BCAN: variants seen among roughly 807,000 people sequenced by gnomAD.
The protein encoded by BCAN is brevican core protein.
BCAN carries 51 observed loss-of-function variants against 92.4 expected under a neutral mutation model. That is an observed-to-expected ratio of 0.55 (90% CI 0.44 to 0.70). The LOEUF (loss-of-function observed/expected upper bound fraction) is 0.70, where lower values mean the gene tolerates loss of function less well. Ranked by LOEUF, BCAN falls within the 30% of genes least tolerant of loss-of-function variation. The pLI, the probability that BCAN is intolerant of heterozygous loss-of-function variation, is 0.00. For synonymous variants in BCAN, 501 were observed against 505.2 expected, an observed-to-expected ratio of 0.99 and a Z score of 0.11; for missense variants, 1,140 against 1,212.1, an observed-to-expected ratio of 0.94 and a Z score of 0.88.
Position 156,647,098 on chromosome 1 carries a change from A to G in BCAN, c.389A>G (p.Asn130Ser). ...CTGGCGCTGAGCGAGCTGCGCCCCA[A>G]CGACTCAGGTATCTATCGCTGTGAG... The part of the protein sequence containing the change: ...VSLALSELRP[N>S]DSGIYRCEVQ... Residue 130 changes from asparagine (N) to serine (S), a missense_variant, in exon 3 of 14, where the codon AAC becomes AGC. Physicochemically the swap from Asn to Ser is conservative, Grantham distance 46 (BLOSUM62 1). This residue lies in a region of BCAN where 286 missense variants were observed against 284.1 expected (regional missense o/e 1.01). Coordinates refer to ENST00000329117, the MANE Select transcript of BCAN (RefSeq NM_021948.5). This position sits in a 1 kb window ranked among gnomAD's most constrained non-coding sequence, Gnocchi z 4.8. The G allele has an allele frequency of 6.2e-7, 1 of 1,606,834 alleles. No individual in the cohort carries two copies. Among genetic ancestry groups the G allele is most frequent in the Non-Finnish European group, 8.5e-7 (1 of 1,174,888 alleles).
In BCAN at chr1:156,657,111, A is replaced by AGGGCGGGAG. The variant is rs1553239560; in HGVS notation, c.2209+20_2209+28dup. ...CTTCATCAACAGTGGGCTGGGAGAC[A>AGGGCGGGAG]GGGCGGGAGGGGCCCCTGCCATATG... On this transcript the variant is annotated intron_variant, in intron 10 of 13. Coordinates refer to ENST00000329117, the MANE Select transcript of BCAN (RefSeq NM_021948.5). 1 of 1,601,760 alleles carries AGGGCGGGAG rather than the reference A, an allele frequency of 6.2e-7. No individual in the cohort carries two copies. Among genetic ancestry groups the AGGGCGGGAG allele is most frequent in the Admixed American group, 1.7e-5 (1 of 59,762 alleles).
At chr1:156,652,092 T>C (rs1225339760) in intron 7 of BCAN, among the ~76,000 whole-genome samples, 156 bp from the exon 8 acceptor site, 1 of 152,176 alleles carries the variant, frequency 6.6e-6, no homozygotes, top group Non-Finnish European at 1.5e-5. Context: ...GTCAAGTTCT[T>C]CCAGTGTGGC....
At chr1:156,645,658 G>A (rs1678937761) in intron 1 of BCAN, among the ~76,000 whole-genome samples, 1 of 152,178 alleles carries the variant, frequency 6.6e-6, no homozygotes, top group African/African-American at 2.4e-5. Flanking sequence ...CACCATTCAT[G>A]CTGTAAACTG....
At position 156,647,789 on chromosome 1, in the gene BCAN, T is replaced by C; in HGVS notation, c.641+107T>C. 6.5e-7 allele frequency: 1 copy of C among 1,545,010 alleles called. No homozygotes were observed. ...GTCAGGCTGGACATGCAGGGCTTTT[T>C]GCCTCTGGGGGATGAGGCTGGTCTG... On this transcript the variant is annotated intron_variant, in intron 4 of 13. Coordinates refer to ENST00000329117, the MANE Select transcript of BCAN (RefSeq NM_021948.5). This position sits in a 1 kb window ranked among gnomAD's most constrained non-coding sequence, Gnocchi z 4.8.
intron 8 of BCAN, among the ~76,000 whole-genome samples, chr1:156,654,341 C>T (rs752605279): frequency 1.4e-4 from 21 of 152,116 alleles, no homozygotes; most frequent in Non-Finnish European, 2.5e-4. Context: ...CTGTTAGGTC[C>T]CTGCACAACT....
chr1:156,651,255 G>A (rs966340623), intron 6 of BCAN, among the ~76,000 whole-genome samples: 2 of 152,214 alleles, frequency 1.3e-5, no homozygotes, highest in Middle Eastern at 3.2e-3. Context: ...GTGCCCAGGG[G>A]AATGCTTGGC....
chr1:156,646,298 T>A (rs1379029791), intron 2 of BCAN, among the ~76,000 whole-genome samples, 153 bp downstream of exon 2: 1 of 152,114 alleles, frequency 6.6e-6, no homozygotes, highest in African/African-American at 2.4e-5. Context: ...GCTGTGAGCA[T>A]CTGGTGGGTT....
intron 11 of BCAN, 103 bp downstream of exon 11, chr1:156,657,860 G>A: frequency 9.8e-7 from 1 of 1,023,284 alleles, no homozygotes; most frequent in Non-Finnish European, 1.4e-6. Context: ...TCTTTTTCCG[G>A]CCTCCTTCCC....
At position 156,656,368 on chromosome 1, in the gene BCAN, G is replaced by T. The variant is rs571106745; in HGVS notation, c.2029G>T (p.Gly677Trp). The T allele has an allele frequency of 2.9e-6, 4 of 1,382,582 alleles. No homozygotes were observed. The highest frequency in any genetic ancestry group is 4.3e-5 in the South Asian group (2 of 46,062). 85.6% of individuals were successfully genotyped at this position (1,382,582 alleles called of 1,614,324 possible). A position where few individuals can be genotyped will look rare whatever the true frequency, so the allele number is the denominator to read the frequency against. ...CCGCTGCCTATGTCTGCCTGGCTAT[G>T]GGGGGGACCTGTGCGATGTTGGTGA... ...GVRCLCLPGY[G>W]GDLCDVGLRF... The change falls in exon 9 of 14, where the codon GGG (glycine) becomes TGG (tryptophan). Residue 677 changes from glycine to tryptophan, a missense_variant. Gly to Trp is a radical substitution (Grantham distance 184, BLOSUM62 -2). This residue lies in a region of BCAN where 825 missense variants were observed against 871.8 expected (regional missense o/e 0.95). Transcript: ENST00000329117.
At chr1:156,646,600 T>C (rs1369902881) in intron 2 of BCAN, 1 of 831,520 alleles carries the variant, frequency 1.2e-6, no homozygotes. Flanking sequence ...GGGGGATGGG[T>C]CTGGAGACCG....
intron 8 of BCAN, 49 bp downstream of exon 8, chr1:156,652,941 T>C: frequency 6.2e-7 from 1 of 1,600,694 alleles, no homozygotes; most frequent in Non-Finnish European, 8.5e-7. Flanking sequence ...CTCCTTTTCT[T>C]CCCCCTGCAG....
chr1:156,645,305 G>T (rs1358833551), intron 1 of BCAN, among the ~76,000 whole-genome samples: 2 of 152,242 alleles, frequency 1.3e-5, no homozygotes, highest in Non-Finnish European at 2.9e-5. Flanking sequence ...AAGAGTTCCG[G>T]TGGGAAAGCC....
chr1:156,648,504 T>C (rs537190899), intron 5 of BCAN, 64 bp from the exon 6 acceptor site: 10 of 1,500,300 alleles, frequency 6.7e-6, no homozygotes, highest in Admixed American at 3.9e-5. Context: ...AGGGTTCCCA[T>C]GGGAGACCAG....
At chr1:156,653,352 A>G (rs927767830) in intron 8 of BCAN, 1 of 1,037,556 alleles carries the variant, frequency 9.6e-7, no homozygotes, top group South Asian at 4.4e-5. Flanking sequence ...CAACCTCCGG[A>G]GTCCAGGAGA....
rs367792958 is a variant in BCAN at position 156,648,550 on chromosome 1, C to A, written c.770-18C>A. 1.9e-6 allele frequency: 3 copies of A among 1,564,812 alleles called. No homozygotes were observed. The highest frequency in any genetic ancestry group is 2.6e-6 in the Non-Finnish European group (3 of 1,146,544). ...GCTACCAGCTGCCTGATAACCCAGC[C>A]TTCTCTTCTCCACCCAGGAGAACTG... On this transcript the variant is annotated intron_variant, in intron 5 of 13. Transcript: ENST00000329117.
chr1:156,658,132 T>A lies in BCAN; in HGVS notation c.2298T>A (p.Tyr766Ter), dbSNP rs1353459680. Residue 766 changes from tyrosine to a stop codon, truncating the protein, a stop_gained, in exon 12 of 14, where the codon TAT (tyrosine) becomes TAA (stop). Transcript: ENST00000329117. LOFTEE classifies it high-confidence loss of function. This position sits in a 1 kb window ranked among gnomAD's most constrained non-coding sequence, Gnocchi z 4.4. Reference protein sequence around the residue: ...FLWSDGVPLLYENWNPGQPDS... With the variant: ...FLWSDGVPLL ...CACCTCCTCCGTTCCCCCAGCTCTA[T>A]GAGAACTGGAACCCTGGGCAGCCTG... is the stretch of plus-strand genomic sequence containing the variant. The A allele has an allele frequency of 5.0e-6, 8 of 1,612,546 alleles. No individual in the cohort carries two copies. The highest frequency in any genetic ancestry group is 1.1e-5 in the South Asian group (1 of 91,024).
In BCAN at chr1:156,659,066, C is replaced by G. The variant is rs751444841; in HGVS notation, c.2668C>G (p.Gln890Glu). ...CCCAGAGGAGGACCCAGAAGGACGT[C>G]AGGGGAGGCTACTGGGACGCTGGAA... ...LHPEEDPEGR[Q>E]GRLLGRWKAL... is the part of the protein sequence containing the mutation. Residue 890 changes from glutamine to glutamate, a missense_variant, in exon 14 of 14, where the codon CAG becomes GAG. Transcript: ENST00000329117. 22 of 1,601,810 alleles carry G rather than the reference C, an allele frequency of 1.4e-5. No individual in the cohort carries two copies. The Middle Eastern group carries it at 2.5e-3, about 181-fold the overall frequency.
intron 10 of BCAN, 26 bp downstream of exon 10, chr1:156,657,122 G>C: frequency 1.2e-6 from 2 of 1,603,000 alleles, no homozygotes; most frequent in Non-Finnish European, 1.7e-6. Flanking sequence ...GGGCGGGAGG[G>C]GCCCCTGCCA....
At chr1:156,651,007 GGT>G (rs1194643930) in intron 6 of BCAN, among the ~76,000 whole-genome samples, 1 of 152,200 alleles carries the variant, frequency 6.6e-6, no homozygotes, top group Non-Finnish European at 1.5e-5. Context: ...AAGATCACAA[GGT>G]GGTAAAGCTA....
Sources: gnomAD v4.1 joint callset for allele counts (sites outside exome capture counted in the v4.1 genomes callset) on GRCh38, gnomAD v4.1.1 for gene constraint, gnomAD v4.1.1 regional missense constraint, Gnocchi (gnomAD v3.1) non-coding constraint, MANE v1.5 for transcripts, NCBI Gene and HGNC (gene_info 2026-07-23, HGNC 2026-07-21) for gene names.